STIM2: variants seen among roughly 807,000 people sequenced by gnomAD.
STIM2 encodes stromal interaction molecule 2.
In STIM2, 31 loss-of-function variants were observed where a neutral mutation model predicts 85.8. That is an observed-to-expected ratio of 0.36 (90% CI 0.27 to 0.49). The LOEUF (loss-of-function observed/expected upper bound fraction) is 0.49, where lower values mean the gene tolerates loss of function less well. Among genes scored for constraint, STIM2 ranks in the 20% least tolerant of loss-of-function variants. The probability of loss-of-function intolerance (pLI) is 0.98; values close to 1 mark genes in which losing one functional copy is unlikely to be tolerated. For missense variants in STIM2, 841 were observed against 927.6 expected (o/e 0.91, Z 1.21); for synonymous variants, 356 against 331.1 (o/e 1.08, Z -0.82).
chr4:26,872,849 T>A (rs1318246464), intron 1 of STIM2, among the ~76,000 whole-genome samples: 1 of 152,228 alleles, frequency 6.6e-6, no homozygotes, highest in African/African-American at 2.4e-5. Flanking sequence ...TAGAGAAGGC[T>A]TCTGAGAAGG....
chr4:26,953,026 T>G (rs1052235100), intron 2 of STIM2, among the ~76,000 whole-genome samples: 1 of 152,176 alleles, frequency 6.6e-6, no homozygotes. Flanking sequence ...CAATTGTTTA[T>G]GAAGAACCCA....
At chr4:26,937,406 T>G (rs978297835) in intron 2 of STIM2, among the ~76,000 whole-genome samples, 1 of 152,062 alleles carries the variant, frequency 6.6e-6, no homozygotes, top group Non-Finnish European at 1.5e-5. Flanking sequence ...CCCCACTCCT[T>G]CCCTCAGCCT....
intron 3 of STIM2, among the ~76,000 whole-genome samples, chr4:26,972,170 A>G (rs1726979306): frequency 6.6e-6 from 1 of 152,194 alleles, no homozygotes; most frequent in Non-Finnish European, 1.5e-5. Flanking sequence ...TAAATATACA[A>G]TCATGTCATC....
chr4:26,956,288 G>C (rs1224105008), intron 2 of STIM2, among the ~76,000 whole-genome samples: 1 of 152,130 alleles, frequency 6.6e-6, no homozygotes, highest in Non-Finnish European at 1.5e-5. Context: ...TATGAGCAAA[G>C]TATCAAGAGA....
Position 27,008,509 on chromosome 4 carries a change from C to A in STIM2, c.1231C>A (p.His411Asn). Residue 411 changes from histidine to asparagine, a missense_variant, in exon 9 of 12, where the codon CAC becomes AAC. Physicochemically the swap from His to Asn is moderately conservative, Grantham distance 68 (BLOSUM62 1). Transcript: ENST00000467087. ...CAGCTCCTCCCTAGATGAGGTAGAC[C>A]ACAAAATTCTGGAAGCAAAGTAAGA... is the stretch of plus-strand genomic sequence containing the variant. 6.3e-7 allele frequency: 1 copy of A among 1,596,080 alleles called. No individual in the cohort carries two copies. The highest frequency in any genetic ancestry group is 1.2e-5 in the South Asian group (1 of 85,546).
At chr4:26,988,193 T>C (rs1305325144) in intron 3 of STIM2, among the ~76,000 whole-genome samples, 1 of 152,254 alleles carries the variant, frequency 6.6e-6, no homozygotes, top group Non-Finnish European at 1.5e-5. Context: ...AACAAGTTCC[T>C]GCCCTCTAAG....
chr4:26,913,251 AT>A (rs1724407488), intron 1 of STIM2, among the ~76,000 whole-genome samples: 12 of 152,036 alleles, frequency 7.9e-5, no homozygotes. Flanking sequence ...AATAATTTAC[AT>A]ATAAGATGTA....
intron 2 of STIM2, among the ~76,000 whole-genome samples, chr4:26,948,035 G>A (rs1404681074): frequency 1.3e-5 from 2 of 152,080 alleles, no homozygotes; most frequent in Non-Finnish European, 2.9e-5. Context: ...ATTTACAAAA[G>A]CAAAAAGGAA....
At position 27,025,192 on chromosome 4, in the gene STIM2, A is replaced by G. The variant is rs191626915; in HGVS notation, c.*2196A>G. ...CTTATGATAATTATTTTGCATTAAT[A>G]CAGTATACACATTTGTAAATTCAAC... On this transcript the variant is annotated 3_prime_UTR_variant, in exon 12 of 12. Coordinates refer to ENST00000467087, the MANE Select transcript of STIM2 (RefSeq NM_020860.4). 143 of 152,336 alleles carry G rather than the reference A, an allele frequency of 9.4e-4. 1 individual carries two copies. Among genetic ancestry groups the G allele is most frequent in the African/African-American group, 3.3e-3 (137 of 41,582 alleles). The allele number at this position is 152,336 out of a possible 1,614,324, so 9.4% of individuals were successfully genotyped here.
chr4:27,018,035 A>T, intron 11 of STIM2, 51 bp downstream of exon 11: 165 of 1,410,992 alleles, frequency 1.2e-4, no homozygotes, highest in Non-Finnish European at 1.5e-4. Flanking sequence ...GTTGGGGGTA[A>T]GGTGTGAGGA....
chr4:26,960,041 C>CT (rs1432623383), intron 3 of STIM2, among the ~76,000 whole-genome samples: 2 of 152,128 alleles, frequency 1.3e-5, no homozygotes, highest in African/African-American at 4.8e-5. Flanking sequence ...ATGTCAGACT[C>CT]TGTTTATTAA....
rs769456629 is a variant in STIM2, at chr4:26,932,577, A to G, written c.282+12943A>G. Among the ~76,000 whole-genome samples the G allele has an allele frequency of 2.7e-4, 41 of 152,304 alleles. No individual in the cohort carries two copies. The Middle Eastern group carries it at 0.01, about 38-fold the overall frequency. On this transcript the variant is annotated intron_variant, in intron 2 of 11. Coordinates refer to ENST00000467087, the MANE Select transcript of STIM2 (RefSeq NM_020860.4). ...CATTTATTAAATTTTTCATGGTAGT[A>G]TATCTTGGCTATAAATGTCTAAATA... is the stretch of plus-strand genomic sequence containing the variant.
intron 3 of STIM2, among the ~76,000 whole-genome samples, chr4:26,976,261 C>T (rs1316169643): frequency 2.0e-5 from 3 of 152,054 alleles, no homozygotes; most frequent in Non-Finnish European, 2.9e-5. Context: ...CACACGTTGC[C>T]CAGCCAGTCC....
At chr4:26,961,456 C>T (rs951932061) in intron 3 of STIM2, among the ~76,000 whole-genome samples, 7 of 152,080 alleles carry the variant, frequency 4.6e-5, no homozygotes, top group East Asian at 1.9e-4. Context: ...TACAGCAGCA[C>T]GTGCAGCAAA....
At chr4:26,967,065 ATTAC>A (rs1726751791) in intron 3 of STIM2, among the ~76,000 whole-genome samples, 1 of 152,212 alleles carries the variant, frequency 6.6e-6, no homozygotes, top group Non-Finnish European at 1.5e-5. Context: ...TAATCAGATA[ATTAC>A]TTAATAGTTT....
intron 1 of STIM2, among the ~76,000 whole-genome samples, chr4:26,887,648 A>G (rs1356888368): frequency 6.6e-6 from 1 of 152,150 alleles, no homozygotes; most frequent in Non-Finnish European, 1.5e-5. Flanking sequence ...GTTTTAAAAG[A>G]CCCTGTATTA....
chr4:27,015,066 T>A (rs1268148659), intron 10 of STIM2, among the ~76,000 whole-genome samples: 1 of 152,020 alleles, frequency 6.6e-6, no homozygotes, highest in African/African-American at 2.4e-5. Context: ...TATATCTCTA[T>A]AAGAAAATAG....
intron 1 of STIM2, among the ~76,000 whole-genome samples, chr4:26,891,862 T>A (rs1402134951): frequency 6.6e-6 from 1 of 152,188 alleles, no homozygotes; most frequent in Non-Finnish European, 1.5e-5. Context: ...GTTCAGGTGA[T>A]GTGGGTTGGC....
chr4:26,948,833 CTTGGGATTA>C (rs1725942068), intron 2 of STIM2, among the ~76,000 whole-genome samples: 1 of 151,298 alleles, frequency 6.6e-6, no homozygotes. Flanking sequence ...CATTAGTAGT[CTTGGGATTA>C]TTGGGTAACA....
Sources: allele counts gnomAD v4.1 joint callset (sites outside exome capture counted in the v4.1 genomes callset), GRCh38; gene constraint gnomAD v4.1.1; transcripts MANE v1.5; gene names NCBI Gene and HGNC (gene_info 2026-07-23, HGNC 2026-07-21).